BRINP1: variants seen among roughly 807,000 people sequenced by gnomAD.
BRINP1 encodes BMP/retinoic acid-inducible neural-specific protein 1.
A neutral mutation model predicts 72.9 loss-of-function variants in BRINP1; 17 were observed. The observed-to-expected ratio is 0.23, with a 90% CI of 0.16 to 0.35. The LOEUF (loss-of-function observed/expected upper bound fraction) is 0.35. Among genes scored for constraint, BRINP1 ranks in the 10% least tolerant of loss-of-function variants. BRINP1 has a pLI of 1.00. For missense variants in BRINP1, 850 were observed against 1,001.6 expected, an observed-to-expected ratio of 0.85 and a Z score of 2.04; for synonymous variants, 418 against 378.5, an observed-to-expected ratio of 1.10 and a Z score of -1.21.
chr9:119,237,169 A>G (rs949848029), intron 5 of BRINP1, among the ~76,000 whole-genome samples: 1 of 152,074 alleles, frequency 6.6e-6, no homozygotes, highest in Non-Finnish European at 1.5e-5. Context: ...CCTTTCTAGA[A>G]GGTCACATTT....
chr9:119,282,739 T>C (rs2077647732), intron 2 of BRINP1: 2 of 938,554 alleles, frequency 2.1e-6, no homozygotes, highest in Non-Finnish European at 2.5e-6. Flanking sequence ...AACAAGAATG[T>C]TGTTCCTTTA....
At chr9:119,191,986 G>A (rs936179308) in intron 7 of BRINP1, among the ~76,000 whole-genome samples, 11 of 152,010 alleles carry the variant, frequency 7.2e-5, no homozygotes, top group African/African-American at 2.6e-4. Context: ...AGGGCACCAA[G>A]AGGATACTAT....
intron 1 of BRINP1, among the ~76,000 whole-genome samples, chr9:119,358,061 T>A (rs568896923): frequency 3.3e-5 from 5 of 152,312 alleles, no homozygotes; most frequent in African/African-American, 4.8e-5. Flanking sequence ...CCCACAATGT[T>A]CTCATCTGGA....
At chr9:119,243,387 TC>T (rs1830278462) in intron 3 of BRINP1, among the ~76,000 whole-genome samples, 2 of 152,196 alleles carry the variant, frequency 1.3e-5, no homozygotes, top group Non-Finnish European at 2.9e-5. Flanking sequence ...ATGATCTCAT[TC>T]TTTTTTCGGG....
intron 7 of BRINP1, among the ~76,000 whole-genome samples, chr9:119,194,860 C>T (rs1829719202): frequency 6.6e-6 from 1 of 152,114 alleles, no homozygotes; most frequent in South Asian, 2.1e-4. Flanking sequence ...CCAGCTATAC[C>T]ATACCTAAAC....
intron 7 of BRINP1, among the ~76,000 whole-genome samples, chr9:119,173,934 T>C (rs1829449761): frequency 7.8e-6 from 1 of 128,668 alleles, no homozygotes; most frequent in South Asian, 2.4e-4. Context: ...TGGCTAGCCA[T>C]ATGTAGAAAG....
chr9:119,339,138 G>C (rs1831383419), intron 1 of BRINP1, among the ~76,000 whole-genome samples: 1 of 152,156 alleles, frequency 6.6e-6, no homozygotes, highest in Admixed American at 6.5e-5. Flanking sequence ...AAAAATCCAG[G>C]TAGTAAATAT....
intron 2 of BRINP1, among the ~76,000 whole-genome samples, chr9:119,261,774 T>TTTCC (rs548523603): frequency 2.4e-4 from 37 of 151,798 alleles, no homozygotes; most frequent in African/African-American, 6.8e-4. Flanking sequence ...CTCTTCCTTC[T>TTTCC]TTCCTTCCTT....
At chr9:119,236,097 C>A (rs1361835274) in intron 5 of BRINP1, among the ~76,000 whole-genome samples, 1 of 152,128 alleles carries the variant, frequency 6.6e-6, no homozygotes, top group East Asian at 1.9e-4. Flanking sequence ...TGCAAGGCAG[C>A]CTTTTAGATA....
intron 7 of BRINP1, among the ~76,000 whole-genome samples, chr9:119,170,231 A>T (rs230094): frequency 6.6e-6 from 1 of 151,166 alleles, no homozygotes; most frequent in African/African-American, 2.5e-5. Flanking sequence ...TGAAAACTTT[A>T]AAAAAAATTT....
chr9:119,217,585 A>G (rs1191307391), intron 5 of BRINP1, among the ~76,000 whole-genome samples: 1 of 152,150 alleles, frequency 6.6e-6, no homozygotes, highest in Non-Finnish European at 1.5e-5. Flanking sequence ...TCTGCAGAGC[A>G]TGTGGGCAAT....
chr9:119,200,945 TAACTC>T (rs1309248631), intron 7 of BRINP1, among the ~76,000 whole-genome samples: 1 of 152,098 alleles, frequency 6.6e-6, no homozygotes, highest in Non-Finnish European at 1.5e-5. Flanking sequence ...GACATTTAGT[TAACTC>T]AAAGAAAATT....
At chr9:119,354,915 A>G (rs1409712584) in intron 1 of BRINP1, among the ~76,000 whole-genome samples, 2 of 152,208 alleles carry the variant, frequency 1.3e-5, no homozygotes, top group African/African-American at 4.8e-5. Flanking sequence ...TCCAGTTTTT[A>G]TAGGCATTAT....
intron 2 of BRINP1, among the ~76,000 whole-genome samples, chr9:119,270,426 G>A (rs1830595600): frequency 6.6e-6 from 1 of 152,176 alleles, no homozygotes. Flanking sequence ...GGTAATCCAG[G>A]AGATTAAGGA....
intron 1 of BRINP1, among the ~76,000 whole-genome samples, chr9:119,315,279 C>T (rs1050113557): frequency 3.9e-5 from 6 of 152,062 alleles, no homozygotes; most frequent in Non-Finnish European, 8.8e-5. Flanking sequence ...ACAATGTGTG[C>T]TCACTTTGTG....
chr9:119,320,046 C>A (rs775285328), intron 1 of BRINP1, among the ~76,000 whole-genome samples: 19 of 152,174 alleles, frequency 1.2e-4, no homozygotes, highest in Non-Finnish European at 1.3e-4. Flanking sequence ...ACTGAGAGAA[C>A]CCCATAGAAG....
At chr9:119,210,147 C>T (rs72759781) in intron 6 of BRINP1, among the ~76,000 whole-genome samples, 7,235 of 152,254 alleles carry the variant, frequency 0.048, 221 homozygotes, top group Non-Finnish European at 0.069. Context: ...GGTCTGTGTC[C>T]TGAGTTTCTG....
intron 7 of BRINP1, among the ~76,000 whole-genome samples, chr9:119,198,873 A>C (rs1420483637): frequency 1.3e-5 from 2 of 152,058 alleles, no homozygotes; most frequent in Admixed American, 1.3e-4. Flanking sequence ...GGGTTTCTCC[A>C]TGTTGGCTAG....
chr9:119,206,174 G>A (rs1191330023), intron 7 of BRINP1, among the ~76,000 whole-genome samples: 1 of 152,058 alleles, frequency 6.6e-6, no homozygotes, highest in Non-Finnish European at 1.5e-5. Context: ...CTAGCACTTT[G>A]GGAGGCTGAG....
Sources: allele counts gnomAD v4.1 joint callset (sites outside exome capture counted in the v4.1 genomes callset), GRCh38; gene constraint gnomAD v4.1.1; transcripts MANE v1.5; gene names NCBI Gene and HGNC (gene_info 2026-07-23, HGNC 2026-07-21).